The following NIPBL variants were observed in gnomAD, a reference collection of about 807,000 sequenced individuals.
NIPBL encodes the protein nipped-B-like protein.
In NIPBL, 19 loss-of-function variants were observed where a neutral mutation model predicts 321.8. The ratio of observed to expected loss-of-function variants is 0.06; its 90% CI spans 0.04 to 0.09. The LOEUF (loss-of-function observed/expected upper bound fraction) is 0.09. Among genes scored for constraint, NIPBL ranks in the 10% least tolerant of loss-of-function variants. NIPBL has a pLI of 1.00. For synonymous variants in NIPBL, 1,106 were observed against 1,114.1 expected, an observed-to-expected ratio of 0.99 and a Z score of 0.14; for missense variants, 2,210 against 3,327.0, an observed-to-expected ratio of 0.66 and a Z score of 8.26.
intron 1 of NIPBL, among the ~76,000 whole-genome samples, chr5:36,893,549 T>C (rs770972745): frequency 1.8e-4 from 27 of 152,148 alleles, no homozygotes; most frequent in Admixed American, 1.3e-3. Context: ...GTTTCTCTTT[T>C]AGCTGTGTTC....
chr5:36,942,828 C>T (rs1441300159), intron 1 of NIPBL, among the ~76,000 whole-genome samples: 1 of 151,080 alleles, frequency 6.6e-6, no homozygotes, highest in African/African-American at 2.4e-5. Context: ...ATATTTGGTT[C>T]TCTTGAACTG....
At chr5:37,009,054 A>G (rs1747776878) in intron 20 of NIPBL, among the ~76,000 whole-genome samples, 1 of 152,216 alleles carries the variant, frequency 6.6e-6, no homozygotes, top group Non-Finnish European at 1.5e-5. Context: ...CCCATTAGGT[A>G]CCAATAGACA....
intron 1 of NIPBL, among the ~76,000 whole-genome samples, chr5:36,896,754 A>G (rs1746772602): frequency 6.6e-6 from 1 of 152,014 alleles, no homozygotes; most frequent in South Asian, 2.1e-4. Context: ...CTTTGCCACC[A>G]TGCCTGGCTA....
chr5:37,002,823 TAA>T lies in NIPBL; in HGVS notation c.3768+59_3768+60del, dbSNP rs1461758654. ...TTCATAGAAACATTTGAAATTAATT[TAA>T]GGTTTTCAGGGTAAATTATAAAATT... On this transcript the variant is annotated intron_variant, in intron 15 of 46. Coordinates refer to ENST00000282516, the MANE Select transcript of NIPBL (RefSeq NM_133433.4). The T allele has an allele frequency of 1.5e-5, 16 of 1,045,770 alleles. No homozygotes were observed. The Admixed American group carries it at 2.9e-4, about 19-fold the overall frequency. 64.8% of individuals were successfully genotyped at this position (1,045,770 alleles called of 1,614,324 possible). A position where few individuals can be genotyped will look rare whatever the true frequency, so the allele number is the denominator to read the frequency against.
Position 37,052,535 on chromosome 5 carries a change from T to C in NIPBL, c.7232T>C (p.Ile2411Thr). The stretch of plus-strand genomic sequence containing the variant: ...CGCCAACACAGACGAGCCTTTCTTA[T>C]TTCTTTACTCAACCTCTTTGATGAC... Reference protein sequence around the residue: ...GNRQHRRAFLISLLNLFDDTA... With the variant: ...GNRQHRRAFLTSLLNLFDDTA... The change falls in exon 42 of 47, where the codon ATT becomes ACT. Residue 2411 changes from isoleucine (I) to threonine (T), a missense_variant. By Grantham distance (89) the Ile-to-Thr change is moderately conservative. Coordinates refer to ENST00000282516, the MANE Select transcript of NIPBL (RefSeq NM_133433.4). The C allele has an allele frequency of 6.2e-7, 1 of 1,614,190 alleles. No homozygotes were observed. Among genetic ancestry groups the C allele is most frequent in the Non-Finnish European group, 8.5e-7 (1 of 1,180,014 alleles).
chr5:36,889,070 A>G (rs1746129117), intron 1 of NIPBL, among the ~76,000 whole-genome samples: 1 of 152,148 alleles, frequency 6.6e-6, no homozygotes, highest in Non-Finnish European at 1.5e-5. Flanking sequence ...TGTTGAATAA[A>G]TGAATTTGAA....
Position 37,014,689 on chromosome 5 carries a change from C to G in NIPBL, c.4567C>G (p.Gln1523Glu), listed in dbSNP as rs762169826. 1.3e-6 allele frequency: 2 copies of G among 1,596,338 alleles called. No homozygotes were observed. Among genetic ancestry groups the G allele is most frequent in the Non-Finnish European group, 1.7e-6 (2 of 1,164,080 alleles). Residue 1523 changes from glutamine to glutamate, a missense_variant, in exon 22 of 47, where the codon CAG becomes GAG. Around this residue, in one of 14 missense-constraint regions of NIPBL, gnomAD observed 381 missense variants for 642.3 expected, o/e 0.59. Coordinates refer to ENST00000282516, the MANE Select transcript of NIPBL (RefSeq NM_133433.4). ...AEEDSNKKID[Q>E]DVVITNSYET... The stretch of plus-strand genomic sequence containing the variant: ...TCACTTTTTTTCATTCTAGATTGAC[C>G]AGGATGTTGTCATTACTAACTCTTA...
chr5:36,970,844 A>G (rs912911116), intron 6 of NIPBL, 32 bp from the exon 7 acceptor site: 18 of 1,586,928 alleles, frequency 1.1e-5, no homozygotes, highest in Non-Finnish European at 1.6e-5. Context: ...AGAATCTTTT[A>G]TTAAACCTTT....
rs3756469 is a variant in NIPBL at position 37,006,817 on chromosome 5, A to G, written c.4087+229A>G. Reference sequence around the variant, plus strand: ...GTCAGGGAAAATCTCAGAAAATACTACCTTCTGGTTTCATTTATCACTTCG... The same window carrying G: ...GTCAGGGAAAATCTCAGAAAATACTGCCTTCTGGTTTCATTTATCACTTCG... On this transcript the variant is annotated intron_variant, in intron 17 of 46. Coordinates refer to ENST00000282516, the MANE Select transcript of NIPBL (RefSeq NM_133433.4). Among the ~76,000 whole-genome samples the G allele has an allele frequency of 1.1e-4, 16 of 152,054 alleles. No homozygotes were observed. In the East Asian group the frequency reaches 2.5e-3, roughly 24 times the overall value.
intron 1 of NIPBL, among the ~76,000 whole-genome samples, chr5:36,884,567 C>A (rs757040567): frequency 4.7e-4 from 71 of 152,068 alleles, no homozygotes; most frequent in Admixed American, 1.9e-3. Context: ...TAATTTGTTC[C>A]TATATTCGTC....
chr5:36,956,015 A>C (rs1477772390), intron 3 of NIPBL, among the ~76,000 whole-genome samples: 1 of 150,840 alleles, frequency 6.6e-6, no homozygotes, highest in Non-Finnish European at 1.5e-5. Context: ...AGATCAAGAG[A>C]TTGAGACCAT....
chr5:36,926,614 C>T (rs551472654), intron 1 of NIPBL, among the ~76,000 whole-genome samples: 27 of 152,280 alleles, frequency 1.8e-4, no homozygotes, highest in African/African-American at 6.0e-4. Flanking sequence ...CCCCTTTCTG[C>T]TGCATTTTAT....
intron 1 of NIPBL, among the ~76,000 whole-genome samples, chr5:36,930,682 T>C (rs1476016392): frequency 6.6e-6 from 1 of 152,166 alleles, no homozygotes; most frequent in Admixed American, 6.5e-5. Flanking sequence ...AGAATTTTCA[T>C]AGATGCTCTT....
chr5:37,013,015 G>GCGC (rs1434354604), intron 21 of NIPBL, among the ~76,000 whole-genome samples: 1 of 152,056 alleles, frequency 6.6e-6, no homozygotes, highest in African/African-American at 2.4e-5. Context: ...CCGGGCAGAG[G>GCGC]CGCCCCTCAC....
At chr5:36,910,621 C>T (rs1747975325) in intron 1 of NIPBL, among the ~76,000 whole-genome samples, 1 of 152,092 alleles carries the variant, frequency 6.6e-6, no homozygotes, top group South Asian at 2.1e-4. Context: ...GGAGAGTATA[C>T]CTCAATGAAA....
At position 37,029,830 on chromosome 5, in the gene NIPBL, T is replaced by A. The variant is rs150238150; in HGVS notation, c.5862+2418T>A. Among the ~76,000 whole-genome samples the A allele has an allele frequency of 3.7e-3, 558 of 152,298 alleles. 3 individuals are homozygous for A. Among genetic ancestry groups the A allele is most frequent in the African/African-American group, 0.013 (523 of 41,568 alleles). On this transcript the variant is annotated intron_variant, in intron 32 of 46. Transcript: ENST00000282516. ...TTCATGGTGTTTTCAATGTGTAATC[T>A]TAGACTGTCTTCTTAAATCATCTTT...
At chr5:36,897,888 GA>G (rs34089902) in intron 1 of NIPBL, among the ~76,000 whole-genome samples, 2,979 of 96,674 alleles carry the variant, frequency 0.031, 83 homozygotes, top group African/African-American at 0.1. Flanking sequence ...GTCATACAGG[GA>G]AAAAAAAAAA....
At chr5:36,978,571 T>C (rs1292389329) in intron 9 of NIPBL, among the ~76,000 whole-genome samples, 1 of 152,012 alleles carries the variant, frequency 6.6e-6, no homozygotes, top group Non-Finnish European at 1.5e-5. Context: ...TCTTTTGCTG[T>C]ACAGAAACTC....
At chr5:36,992,714 A>T (rs534748102) in intron 10 of NIPBL, among the ~76,000 whole-genome samples, 145 of 60,940 alleles carry the variant, frequency 2.4e-3, no homozygotes, top group African/African-American at 0.011. Flanking sequence ...CATGCATTTT[A>T]TTTATTTATT....
Sources: allele counts gnomAD v4.1 joint callset (sites outside exome capture counted in the v4.1 genomes callset), GRCh38; gene constraint gnomAD v4.1.1; regional missense constraint gnomAD v4.1.1; transcripts MANE v1.5; gene names NCBI Gene and HGNC (gene_info 2026-07-23, HGNC 2026-07-21).